SEC23IP: variants seen among roughly 807,000 people sequenced by gnomAD.
The protein encoded by SEC23IP is SEC23 interacting protein.
A neutral mutation model predicts 113.4 loss-of-function variants in SEC23IP; 70 were observed. The ratio of observed to expected loss-of-function variants is 0.62; its 90% CI spans 0.51 to 0.75. The LOEUF is 0.75. SEC23IP is among the 30% of genes least tolerant of loss of function. The pLI, the probability that SEC23IP is intolerant of heterozygous loss-of-function variation, is 0.00. For missense variants in SEC23IP, 1,160 were observed against 1,204.9 expected, an observed-to-expected ratio of 0.96 and a Z score of 0.55; for synonymous variants, 398 against 421.0, an observed-to-expected ratio of 0.95 and a Z score of 0.67.
intron 6 of SEC23IP, among the ~76,000 whole-genome samples, chr10:119,913,836 C>A (rs1037663543): frequency 1.3e-5 from 2 of 151,736 alleles, no homozygotes; most frequent in Non-Finnish European, 2.9e-5. Flanking sequence ...GAATGGTTTC[C>A]CCTTCGTCAA....
At chr10:119,898,381 G>A (rs2134451524) in intron 1 of SEC23IP, 46 bp from the exon 2 acceptor site, 1 of 1,541,556 alleles carries the variant, frequency 6.5e-7, no homozygotes, top group Non-Finnish European at 8.7e-7. Flanking sequence ...TATCTGCGGA[G>A]TGATAGAGTA....
chr10:119,900,923 T>C, intron 2 of SEC23IP, among the ~76,000 whole-genome samples: 1 of 151,902 alleles, frequency 6.6e-6, no homozygotes, highest in East Asian at 1.9e-4. Context: ...AAACATATAA[T>C]ACCTATGGTT....
At chr10:119,928,309 T>A (rs1038272858) in intron 13 of SEC23IP, among the ~76,000 whole-genome samples, 7 of 152,238 alleles carry the variant, frequency 4.6e-5, no homozygotes, top group African/African-American at 1.7e-4. Flanking sequence ...GGTTATTAGC[T>A]CCTTGTCATG....
intron 18 of SEC23IP, among the ~76,000 whole-genome samples, chr10:119,934,335 C>T (rs142538417): frequency 3.3e-5 from 5 of 152,304 alleles, no homozygotes; most frequent in Admixed American, 6.5e-5. Context: ...AGAAGCTTGT[C>T]CAAAAATTTA....
chr10:119,895,775 G>A lies in SEC23IP; in HGVS notation c.164-2652G>A, dbSNP rs374604899. On this transcript the variant is annotated intron_variant, in intron 1 of 18. Coordinates refer to ENST00000369075, the MANE Select transcript of SEC23IP (RefSeq NM_007190.4). ...AGTTAGTGGTTGGTGGAATGGGACA[G>A]GGATGGAGCTCATCCCTCTCTCCTG... is the stretch of plus-strand genomic sequence containing the variant. 2.3e-3 allele frequency among the ~76,000 whole-genome samples: 355 copies of A among 152,254 alleles called. 18 individuals carry two copies. The South Asian group carries it at 0.071, about 30-fold the overall frequency.
At chr10:119,932,824 T>A (rs1271258601) in intron 16 of SEC23IP, among the ~76,000 whole-genome samples, 181 bp from the exon 17 acceptor site, 2 of 152,170 alleles carry the variant, frequency 1.3e-5, no homozygotes, top group African/African-American at 2.4e-5. Context: ...TCTTTTCTCC[T>A]CTCTCTCGGG....
At chr10:119,906,101 C>G (rs1161192229) in intron 4 of SEC23IP, among the ~76,000 whole-genome samples, 1 of 151,702 alleles carries the variant, frequency 6.6e-6, no homozygotes, top group East Asian at 1.9e-4. Context: ...CATGGAAAAA[C>G]CCCGTCTCTA....
intron 2 of SEC23IP, among the ~76,000 whole-genome samples, chr10:119,901,033 T>C (rs2134456322): frequency 1.3e-5 from 1 of 79,812 alleles, no homozygotes; most frequent in East Asian, 5.3e-4. Context: ...CTTTTTTTTT[T>C]TTTTAAAGAG....
At position 119,893,064 on chromosome 10, in the gene SEC23IP, A is replaced by G; in HGVS notation, c.163+119A>G. On this transcript the variant is annotated intron_variant, in intron 1 of 18. Coordinates refer to ENST00000369075, the MANE Select transcript of SEC23IP (RefSeq NM_007190.4). Reference sequence around the variant, plus strand: ...GCTACCCTCTGGATAGCTTGCCAGGATCATTACTGGCCAGGTTTGAGTGGG... The same window carrying G: ...GCTACCCTCTGGATAGCTTGCCAGGGTCATTACTGGCCAGGTTTGAGTGGG... 4 of 1,153,222 alleles carry G rather than the reference A, an allele frequency of 3.5e-6. No homozygotes were observed. In the South Asian group the frequency reaches 4.7e-5, roughly 13 times the overall value. 71.4% of individuals were successfully genotyped at this position (1,153,222 alleles called of 1,614,324 possible).
chr10:119,904,856 G>A (rs536618458), intron 4 of SEC23IP, among the ~76,000 whole-genome samples: 2 of 152,284 alleles, frequency 1.3e-5, no homozygotes, highest in South Asian at 4.1e-4. Flanking sequence ...CTTCTGGCTG[G>A]GTGTGGTGGC....
intron 4 of SEC23IP, 36 bp from the exon 5 acceptor site, chr10:119,909,005 G>T: frequency 7.2e-7 from 1 of 1,391,938 alleles, no homozygotes; most frequent in Non-Finnish European, 1.0e-6. Context: ...GTATAAATTT[G>T]TCATGTTGGA....
chr10:119,922,407 A>C (rs1383111235), intron 12 of SEC23IP, among the ~76,000 whole-genome samples: 1 of 152,192 alleles, frequency 6.6e-6, no homozygotes, highest in Non-Finnish European at 1.5e-5. Flanking sequence ...TCTTATGGCC[A>C]TGAAAGTCAT....
chr10:119,928,526 A>G (rs1036013847), intron 13 of SEC23IP, among the ~76,000 whole-genome samples: 1 of 152,232 alleles, frequency 6.6e-6, no homozygotes, highest in African/African-American at 2.4e-5. Context: ...TCAGCACTCC[A>G]TCACTCACTG....
intron 2 of SEC23IP, among the ~76,000 whole-genome samples, chr10:119,901,001 A>C (rs1198599593): frequency 6.8e-6 from 1 of 146,476 alleles, no homozygotes; most frequent in Non-Finnish European, 1.5e-5. Flanking sequence ...TAAAACATTA[A>C]AATTTTTTTC....
intron 4 of SEC23IP, among the ~76,000 whole-genome samples, chr10:119,908,687 C>T (rs1297678791): frequency 6.6e-6 from 1 of 152,148 alleles, no homozygotes; most frequent in Non-Finnish European, 1.5e-5. Flanking sequence ...CGGTGGCCTG[C>T]CTTCCTGGCA....
At chr10:119,900,110 T>A (rs1318671024) in intron 2 of SEC23IP, among the ~76,000 whole-genome samples, 2 of 151,544 alleles carry the variant, frequency 1.3e-5, no homozygotes, top group African/African-American at 4.8e-5. Flanking sequence ...GTCAGTAAAA[T>A]ACATTATGAT....
At chr10:119,937,887 A>G (rs1219022590) in intron 18 of SEC23IP, among the ~76,000 whole-genome samples, 1 of 152,000 alleles carries the variant, frequency 6.6e-6, no homozygotes, top group Non-Finnish European at 1.5e-5. Flanking sequence ...TGACATTTTA[A>G]TTAATATTTG....
chr10:119,921,342 T>C (rs541257710), intron 12 of SEC23IP, among the ~76,000 whole-genome samples: 1 of 152,360 alleles, frequency 6.6e-6, no homozygotes, highest in East Asian at 1.9e-4. Flanking sequence ...TTTGGTTTTA[T>C]TCATTTGTTT....
In SEC23IP at chr10:119,892,896, C is replaced by T. The variant is rs143913350; in HGVS notation, c.114C>T (p.Ile38=). The T allele has an allele frequency of 1.2e-6, 2 of 1,613,548 alleles. No individual in the cohort carries two copies. Among genetic ancestry groups the T allele is most frequent in the African/African-American group, 2.7e-5 (2 of 74,898 alleles). The change falls in exon 1 of 19, where the codon ATC becomes ATT. Residue 38 remains isoleucine, a synonymous_variant. Coordinates refer to ENST00000369075, the MANE Select transcript of SEC23IP (RefSeq NM_007190.4). ...AGTTCAGCTTCAATGTGCCCTTCATCCCAGTCACCCAGGCCTCCGCTTCTC... is the reference window on the plus strand; with the variant it reads ...AGTTCAGCTTCAATGTGCCCTTCATTCCAGTCACCCAGGCCTCCGCTTCTC... The part of the protein sequence containing the change: ...ATEFSFNVPF[I]PVTQASASPA...
Sources: gnomAD v4.1 joint callset for allele counts (sites outside exome capture counted in the v4.1 genomes callset) on GRCh38, gnomAD v4.1.1 for gene constraint, MANE v1.5 for transcripts, NCBI Gene and HGNC (gene_info 2026-07-23, HGNC 2026-07-21) for gene names.